HIVEP2: variants seen among roughly 807,000 people sequenced by gnomAD.
HIVEP2 encodes the protein HIVEP zinc finger 2, also known as transcription factor HIVEP2.
In HIVEP2, 14 loss-of-function variants were observed where a neutral mutation model predicts 180.7. The observed-to-expected ratio is 0.08, with a 90% CI of 0.05 to 0.12. The LOEUF (loss-of-function observed/expected upper bound fraction) is 0.12, where lower values mean the gene tolerates loss of function less well. Among genes scored for constraint, HIVEP2 ranks in the 10% least tolerant of loss-of-function variants. The pLI is 1.00. For synonymous variants in HIVEP2, 1,184 were observed against 1,136.4 expected, an observed-to-expected ratio of 1.04 and a Z score of -0.84; for missense variants, 2,579 against 3,008.5, an observed-to-expected ratio of 0.86 and a Z score of 3.34.
At chr6:142,783,737 C>T (rs184409305) in intron 2 of HIVEP2, 122 bp from the exon 3 acceptor site, 1 of 151,962 alleles carries the variant, frequency 6.6e-6, no homozygotes, top group Non-Finnish European at 1.5e-5. Flanking sequence ...GGAACTGGAT[C>T]TCTCAAGAAG....
intron 1 of HIVEP2, among the ~76,000 whole-genome samples, chr6:142,923,306 G>A (rs1777727335): frequency 6.6e-6 from 1 of 151,666 alleles, no homozygotes; most frequent in African/African-American, 2.4e-5. Context: ...ACTCCAGCCT[G>A]GGCAACAGAG....
At chr6:142,791,581 G>A (rs1305822104) in intron 2 of HIVEP2, among the ~76,000 whole-genome samples, 1 of 152,154 alleles carries the variant, frequency 6.6e-6, no homozygotes, top group Non-Finnish European at 1.5e-5. Context: ...GGCAATTCCA[G>A]AATTCCATCT....
intron 2 of HIVEP2, among the ~76,000 whole-genome samples, chr6:142,826,897 G>C (rs1211227188): frequency 2.0e-5 from 3 of 152,168 alleles, no homozygotes; most frequent in Non-Finnish European, 4.4e-5. Flanking sequence ...TCTCTGCTCA[G>C]CTATATCTGT....
At chr6:142,904,705 A>T (rs1166109928) in intron 1 of HIVEP2, among the ~76,000 whole-genome samples, 1 of 152,246 alleles carries the variant, frequency 6.6e-6, no homozygotes, top group African/African-American at 2.4e-5. Context: ...GAACAAAGGA[A>T]CATAAGAATA....
chr6:142,823,573 G>T (rs1305642447), intron 2 of HIVEP2, among the ~76,000 whole-genome samples: 1 of 152,216 alleles, frequency 6.6e-6, no homozygotes, highest in Non-Finnish European at 1.5e-5. Flanking sequence ...ACAGATTCTC[G>T]CATAACAAGT....
intron 2 of HIVEP2, among the ~76,000 whole-genome samples, chr6:142,799,045 G>A (rs1776346427): frequency 6.6e-6 from 1 of 152,128 alleles, no homozygotes; most frequent in South Asian, 2.1e-4. Flanking sequence ...GTGACCATAA[G>A]TTGAAAATGG....
At chr6:142,915,954 T>C (rs183135320) in intron 1 of HIVEP2, among the ~76,000 whole-genome samples, 1 of 152,346 alleles carries the variant, frequency 6.6e-6, no homozygotes, top group East Asian at 1.9e-4. Context: ...TTCCCCTTAG[T>C]GAGCCCCATC....
intron 2 of HIVEP2, among the ~76,000 whole-genome samples, chr6:142,794,818 C>T (rs763363636): frequency 6.6e-6 from 1 of 152,198 alleles, no homozygotes; most frequent in Non-Finnish European, 1.5e-5. Flanking sequence ...GAAACATGTA[C>T]TTTAATAAGT....
chr6:142,857,372 G>A (rs796914867), intron 1 of HIVEP2, among the ~76,000 whole-genome samples: 12 of 152,148 alleles, frequency 7.9e-5, no homozygotes, highest in Admixed American at 4.6e-4. Flanking sequence ...CTGCATATTC[G>A]CCAAATGCTC....
intron 1 of HIVEP2, among the ~76,000 whole-genome samples, chr6:142,876,931 C>T (rs1452459462): frequency 6.6e-6 from 1 of 152,094 alleles, no homozygotes; most frequent in Non-Finnish European, 1.5e-5. Flanking sequence ...GGCCTATAGT[C>T]GCAGCTACTC....
rs1162116888 is a variant in HIVEP2, at chr6:142,769,712, C to G, written c.5027G>C (p.Ser1676Thr). The change falls in exon 5 of 10, where the codon AGT (serine) becomes ACT (threonine). Residue 1676 changes from serine to threonine, a missense_variant. Ser to Thr is a moderately conservative substitution (Grantham distance 58, BLOSUM62 1). Coordinates refer to ENST00000367603, the MANE Select transcript of HIVEP2 (RefSeq NM_006734.4). ...TCCTGATGGGTTTGGATTACAGGAACTAATGCACCATGAAGCATAAACCGA... is the reference window on the plus strand; with the variant it reads ...TCCTGATGGGTTTGGATTACAGGAAGTAATGCACCATGAAGCATAAACCGA... ...KSSVYASWCI[S>T]SCNPNPSGLN... 6.2e-7 allele frequency: 1 copy of G among 1,614,196 alleles called. No homozygotes were observed. Among genetic ancestry groups the G allele is most frequent in the Non-Finnish European group, 8.5e-7 (1 of 1,180,038 alleles).
At chr6:142,926,412 G>T (rs1777811813) in intron 1 of HIVEP2, among the ~76,000 whole-genome samples, 1 of 152,226 alleles carries the variant, frequency 6.6e-6, no homozygotes, top group Admixed American at 6.5e-5. Flanking sequence ...TGATGTTTGT[G>T]CTTTGCACTA....
chr6:142,898,986 C>T (rs368730277), intron 1 of HIVEP2, among the ~76,000 whole-genome samples: 37 of 152,294 alleles, frequency 2.4e-4, no homozygotes, highest in African/African-American at 8.4e-4. Context: ...TCCTCTGTAT[C>T]ATTCTTGTGA....
chr6:142,793,703 G>GTC (rs1480062958), intron 2 of HIVEP2, among the ~76,000 whole-genome samples: 3 of 85,728 alleles, frequency 3.5e-5, no homozygotes, highest in African/African-American at 1.4e-4. Context: ...CTCTCTGTCT[G>GTC]TCTTTCTTTC....
chr6:142,814,239 A>G (rs1287800442), intron 2 of HIVEP2, among the ~76,000 whole-genome samples: 1 of 152,208 alleles, frequency 6.6e-6, no homozygotes, highest in Non-Finnish European at 1.5e-5. Context: ...TAAATGCACC[A>G]AAGCATAAAG....
intron 2 of HIVEP2, among the ~76,000 whole-genome samples, chr6:142,836,609 C>T (rs983710862): frequency 2.0e-5 from 3 of 152,026 alleles, no homozygotes; most frequent in Non-Finnish European, 4.4e-5. Flanking sequence ...CATATAAAAA[C>T]CTTATTCAAA....
chr6:142,896,510 A>G (rs1347192516), intron 1 of HIVEP2, among the ~76,000 whole-genome samples: 3 of 152,178 alleles, frequency 2.0e-5, no homozygotes, highest in Admixed American at 6.5e-5. Context: ...AGCCCTCTGA[A>G]TGTCGGCCTC....
At chr6:142,809,544 T>C (rs1562244122) in intron 2 of HIVEP2, among the ~76,000 whole-genome samples, 1 of 152,030 alleles carries the variant, frequency 6.6e-6, no homozygotes, top group Non-Finnish European at 1.5e-5. Flanking sequence ...TTGTAAGTAC[T>C]TCATTTTAGA....
chr6:142,937,863 A>C (rs1276118632), intron 1 of HIVEP2, among the ~76,000 whole-genome samples: 3 of 152,204 alleles, frequency 2.0e-5, no homozygotes, highest in Admixed American at 2.0e-4. Flanking sequence ...GTGAGGGCTA[A>C]GTGACGTAAT....
Sources: allele counts gnomAD v4.1 joint callset (sites outside exome capture counted in the v4.1 genomes callset), GRCh38; gene constraint gnomAD v4.1.1; transcripts MANE v1.5; gene names NCBI Gene and HGNC (gene_info 2026-07-23, HGNC 2026-07-21).